The following CORIN variants were observed in gnomAD, a reference collection of about 807,000 sequenced individuals.
CORIN encodes the protein atrial natriuretic peptide-converting enzyme.
CORIN carries 117 observed loss-of-function variants against 125.3 expected under a neutral mutation model. That is an observed-to-expected ratio of 0.93 (90% CI 0.80 to 1.09). CORIN has a LOEUF of 1.09. Among genes scored for constraint, CORIN ranks in the 50% least tolerant of loss-of-function variants. The pLI is 0.00. For synonymous variants in CORIN, 450 were observed against 466.4 expected (o/e 0.96, Z 0.45); for missense variants, 1,253 against 1,306.7 (o/e 0.96, Z 0.63).
rs201948411 is a variant in CORIN at position 47,641,982 on chromosome 4, A to C, written c.2136T>G (p.His712Gln). ...TCTCCTGCCAGCCATCTGCACACACATGGTGTTCTGTGGCAGCTCTGTGAA... is the reference window on the plus strand; with the variant it reads ...TCTCCTGCCAGCCATCTGCACACACCTGGTGTTCTGTGGCAGCTCTGTGAA... ...LMVHRAATEHHVCADGWQEIL... is the reference protein window; with the variant it reads ...LMVHRAATEHQVCADGWQEIL... Residue 712 changes from histidine (H) to glutamine (Q), a missense_variant, in exon 16 of 22, where the codon CAT (histidine) becomes CAG (glutamine). Transcript: ENST00000273857. 33 of 1,613,518 alleles carry C rather than the reference A, an allele frequency of 2.0e-5. No individual in the cohort carries two copies. Among genetic ancestry groups the C allele is most frequent in the Non-Finnish European group, 2.7e-5 (32 of 1,179,684 alleles).
intron 2 of CORIN, among the ~76,000 whole-genome samples, chr4:47,801,084 A>G (rs1210154913): frequency 1.3e-5 from 2 of 152,196 alleles, no homozygotes; most frequent in Admixed American, 6.5e-5. Flanking sequence ...TTTTAAAGTC[A>G]GTGCTGCTCT....
intron 20 of CORIN, among the ~76,000 whole-genome samples, chr4:47,602,123 T>C (rs552563504): frequency 8.2e-4 from 125 of 151,614 alleles, no homozygotes; most frequent in African/African-American, 2.8e-3. Flanking sequence ...AAAACAAAAT[T>C]AGCCAGGCGT....
In CORIN at chr4:47,801,703, G is replaced by C. The variant is rs1467550824; in HGVS notation, c.208+5200C>G. Among the ~76,000 whole-genome samples, 6 of 152,316 alleles carry C rather than the reference G, an allele frequency of 3.9e-5. No homozygotes were observed. The East Asian group carries it at 1.2e-3, about 29-fold the overall frequency. On this transcript the variant is annotated intron_variant, in intron 2 of 21. Transcript: ENST00000273857. Reference sequence around the variant, plus strand: ...ACAGCAGAAAGCAGAGGGAACATTTGGACAGGCCCAGGCCAAAGGGTAATT... The same window carrying C: ...ACAGCAGAAAGCAGAGGGAACATTTCGACAGGCCCAGGCCAAAGGGTAATT...
At chr4:47,833,128 A>G (rs895762482) in intron 1 of CORIN, among the ~76,000 whole-genome samples, 34 of 152,004 alleles carry the variant, frequency 2.2e-4, no homozygotes, top group African/African-American at 7.7e-4. Flanking sequence ...CAAGAAAAAA[A>G]AAAGCTAGAG....
At chr4:47,794,803 G>A (rs539199209) in intron 2 of CORIN, among the ~76,000 whole-genome samples, 3 of 152,078 alleles carry the variant, frequency 2.0e-5, no homozygotes, top group South Asian at 4.2e-4. Context: ...AAGCTGAAAC[G>A]CTTTCTCCAT....
At chr4:47,613,185 T>G (rs1721935785) in intron 19 of CORIN, among the ~76,000 whole-genome samples, 1 of 152,232 alleles carries the variant, frequency 6.6e-6, no homozygotes, top group Non-Finnish European at 1.5e-5. Context: ...GTGAGTGCAG[T>G]GGCTTACACC....
At chr4:47,733,401 G>A (rs1006684452) in intron 5 of CORIN, among the ~76,000 whole-genome samples, 4 of 152,166 alleles carry the variant, frequency 2.6e-5, no homozygotes, top group Admixed American at 1.3e-4. Flanking sequence ...CAATTCAATA[G>A]GAGAAATTCG....
intron 3 of CORIN, among the ~76,000 whole-genome samples, chr4:47,771,691 GT>G (rs1317064961): frequency 6.6e-6 from 1 of 152,062 alleles, no homozygotes; most frequent in African/African-American, 2.4e-5. Flanking sequence ...AAAACATGTG[GT>G]ATTTGGTTTT....
chr4:47,630,272 T>C (rs1722757310), intron 16 of CORIN, among the ~76,000 whole-genome samples: 1 of 152,226 alleles, frequency 6.6e-6, no homozygotes, highest in Non-Finnish European at 1.5e-5. Flanking sequence ...GTAATATACA[T>C]GCACATCAAG....
At chr4:47,712,219 T>G (rs574356601) in intron 5 of CORIN, among the ~76,000 whole-genome samples, 43 of 152,320 alleles carry the variant, frequency 2.8e-4, no homozygotes, top group African/African-American at 1.0e-3. Flanking sequence ...TAACATAATA[T>G]AGTCATAATA....
rs117871630 is a variant in CORIN at position 47,668,972 on chromosome 4, C to T, written c.1358-3709G>A. On this transcript the variant is annotated intron_variant, in intron 10 of 21. Transcript: ENST00000273857. ...TTCTATGATTTATGATATCAATAAG[C>T]TTTTTTATCTTAAGCATTAGGCTCA... Among the ~76,000 whole-genome samples the T allele has an allele frequency of 9.2e-4, 140 of 152,242 alleles. 1 individual carries two copies. The East Asian group carries it at 0.018, about 20-fold the overall frequency.
intron 5 of CORIN, among the ~76,000 whole-genome samples, chr4:47,722,465 A>G (rs1048364137): frequency 3.9e-5 from 6 of 152,216 alleles, no homozygotes; most frequent in Admixed American, 3.9e-4. Flanking sequence ...GCTATGGCAC[A>G]TGCTCCTGGG....
At chr4:47,618,001 G>A (rs1385925636) in intron 19 of CORIN, among the ~76,000 whole-genome samples, 4 of 148,902 alleles carry the variant, frequency 2.7e-5, no homozygotes, top group Non-Finnish European at 6.0e-5. Context: ...GCATTCTTCA[G>A]TAATGCTCTC....
intron 4 of CORIN, among the ~76,000 whole-genome samples, chr4:47,750,390 T>C (rs1728845200): frequency 6.6e-6 from 1 of 152,234 alleles, no homozygotes; most frequent in Non-Finnish European, 1.5e-5. Flanking sequence ...GGACTGTGTC[T>C]TTCTTTTTCT....
At chr4:47,655,181 T>C (rs1723916631) in intron 12 of CORIN, among the ~76,000 whole-genome samples, 1 of 151,944 alleles carries the variant, frequency 6.6e-6, no homozygotes, top group African/African-American at 2.4e-5. Flanking sequence ...ACTCAGGCAG[T>C]ACTTCTCATG....
intron 20 of CORIN, among the ~76,000 whole-genome samples, chr4:47,601,144 G>A (rs1293051469): frequency 2.6e-5 from 4 of 152,168 alleles, no homozygotes; most frequent in Non-Finnish European, 5.9e-5. Flanking sequence ...TGTTTCACAG[G>A]TTGTCAAAAG....
At chr4:47,683,670 T>G (rs1725386227) in intron 7 of CORIN, 61 bp downstream of exon 7, 1 of 1,236,748 alleles carries the variant, frequency 8.1e-7, no homozygotes, top group Non-Finnish European at 1.2e-6. Context: ...GAACTGTAAG[T>G]TTTTGGTTAT....
chr4:47,832,601 C>T lies in CORIN; in HGVS notation c.63+5286G>A, dbSNP rs535218016. 4.6e-5 allele frequency among the ~76,000 whole-genome samples: 7 copies of T among 151,906 alleles called. No homozygotes were observed. In the South Asian group the frequency reaches 1.5e-3, roughly 32 times the overall value. On this transcript the variant is annotated intron_variant, in intron 1 of 21. Coordinates refer to ENST00000273857, the MANE Select transcript of CORIN (RefSeq NM_006587.4). The stretch of plus-strand genomic sequence containing the variant: ...CTGGGACTACAGGCAGGTGCCATCA[C>T]GCCCTGGTAATTTTTTTGTATTTTT...
At chr4:47,796,508 G>C (rs916126743) in intron 2 of CORIN, among the ~76,000 whole-genome samples, 1 of 152,102 alleles carries the variant, frequency 6.6e-6, no homozygotes, top group African/African-American at 2.4e-5. Flanking sequence ...ATACAACATA[G>C]TGACTATGGT....
Sources: allele counts gnomAD v4.1 joint callset (sites outside exome capture counted in the v4.1 genomes callset), GRCh38; gene constraint gnomAD v4.1.1; transcripts MANE v1.5; gene names NCBI Gene and HGNC (gene_info 2026-07-23, HGNC 2026-07-21).